Variants in ZNF704 observed in about 807,000 individuals in gnomAD.
ZNF704 encodes the protein zinc finger protein 704, also known as glucocorticoid induced gene 1.
In ZNF704, 10 loss-of-function variants were observed where a neutral mutation model predicts 44.7. That is an observed-to-expected ratio of 0.22 (90% CI 0.14 to 0.38). The LOEUF (loss-of-function observed/expected upper bound fraction) is 0.38, where lower values mean the gene tolerates loss of function less well. Among genes scored for constraint, ZNF704 ranks in the 10% least tolerant of loss-of-function variants. The pLI is 1.00. For synonymous variants in ZNF704, 211 were observed against 207.6 expected, an observed-to-expected ratio of 1.02 and a Z score of -0.14; for missense variants, 390 against 545.5, an observed-to-expected ratio of 0.71 and a Z score of 2.84.
intron 1 of ZNF704, among the ~76,000 whole-genome samples, chr8:80,853,121 G>A (rs185631909): frequency 3.9e-4 from 60 of 152,260 alleles, no homozygotes; most frequent in Non-Finnish European, 8.1e-4. Context: ...ACCCCAACAC[G>A]TTGGGAAGCT....
chr8:80,784,833 G>C (rs1255208005), intron 2 of ZNF704, among the ~76,000 whole-genome samples: 2 of 151,844 alleles, frequency 1.3e-5, no homozygotes, highest in African/African-American at 4.9e-5. Context: ...AGGTCATCTA[G>C]GCTTTCTCCA....
chr8:80,748,496 T>C (rs992019498), intron 2 of ZNF704, among the ~76,000 whole-genome samples: 1 of 152,218 alleles, frequency 6.6e-6, no homozygotes, highest in Non-Finnish European at 1.5e-5. Context: ...CTTTAAGAGT[T>C]CTTCCTCTGC....
At chr8:80,777,524 C>G (rs1331327187) in intron 2 of ZNF704, among the ~76,000 whole-genome samples, 1 of 152,126 alleles carries the variant, frequency 6.6e-6, no homozygotes, top group African/African-American at 2.4e-5. Context: ...ATTTTATTTT[C>G]TCTGTGTATC....
chr8:80,629,417 C>T lies in ZNF704; in HGVS notation c.*11949G>A. 6.6e-6 allele frequency: 1 copy of T among 152,072 alleles called. No homozygotes were observed. The highest frequency in any genetic ancestry group is 1.9e-4 in the East Asian group (1 of 5,194). The allele number at this position is 152,072 out of a possible 1,614,324, so 9.4% of individuals were successfully genotyped here. A position where few individuals can be genotyped will look rare whatever the true frequency, so the allele number is the denominator to read the frequency against. ...GGTTTAGAAATGCGTGTTTTTTTCC[C>T]CCCGTATTTTACAAACAGTTGAGAA... On this transcript the variant is annotated 3_prime_UTR_variant, in exon 9 of 9. Coordinates refer to ENST00000327835, the MANE Select transcript of ZNF704 (RefSeq NM_001033723.3).
intron 2 of ZNF704, chr8:80,749,828 T>C (rs930697474): frequency 1.9e-5 from 2 of 106,214 alleles, no homozygotes; most frequent in South Asian, 2.9e-4. Flanking sequence ...CAGCAGGACA[T>C]AGGCACCTGT....
chr8:80,790,682 A>C lies in ZNF704; in HGVS notation c.221+30692T>G, dbSNP rs1030950822. Among the ~76,000 whole-genome samples the C allele has an allele frequency of 2.0e-5, 3 of 152,154 alleles. No homozygotes were observed. The South Asian group carries it at 6.2e-4, about 32-fold the overall frequency. On this transcript the variant is annotated intron_variant, in intron 2 of 8. Transcript: ENST00000327835. Reference sequence around the variant, plus strand: ...AGACCAGCTGAAAGGTGGGTGGCAGAGGTCCCGGGGTGAGATGGTGACACA... The same window carrying C: ...AGACCAGCTGAAAGGTGGGTGGCAGCGGTCCCGGGGTGAGATGGTGACACA...
Position 80,636,728 on chromosome 8 carries a change from C to T in ZNF704, c.*4638G>A, listed in dbSNP as rs1350697233. 6.6e-6 allele frequency: 1 copy of T among 152,160 alleles called. No individual in the cohort carries two copies. Among genetic ancestry groups the T allele is most frequent in the African/African-American group, 2.4e-5 (1 of 41,440 alleles). 9.4% of individuals were successfully genotyped at this position (152,160 alleles called of 1,614,324 possible). ...TTCTCATTCATATTCATGAATCCTG[C>T]TCTGTTTCCACTCATTTGTATGCAC... On this transcript the variant is annotated 3_prime_UTR_variant, in exon 9 of 9. Transcript: ENST00000327835.
At position 80,744,457 on chromosome 8, in the gene ZNF704, C is replaced by T. The variant is rs1351340362; in HGVS notation, c.222-51350G>A. Among the ~76,000 whole-genome samples, 3 of 152,262 alleles carry T rather than the reference C, an allele frequency of 2.0e-5. No homozygotes were observed. In the East Asian group the frequency reaches 5.8e-4, roughly 29 times the overall value. ...GAAATATGTCACAAACTGCTAATCA[C>T]ATCATTAAATATAGTCTCCCTTGTT... On this transcript the variant is annotated intron_variant, in intron 2 of 8. Transcript: ENST00000327835.
Position 80,631,858 on chromosome 8 carries a change from T to C in ZNF704, c.*9508A>G, listed in dbSNP as rs1376432277. ...GCCTTACATCCCAGTTATAGTAATA[T>C]TTATCCCCTTGCACCTTAATTTAAG... On this transcript the variant is annotated 3_prime_UTR_variant, in exon 9 of 9. Coordinates refer to ENST00000327835, the MANE Select transcript of ZNF704 (RefSeq NM_001033723.3). 1 of 152,180 alleles carries C rather than the reference T, an allele frequency of 6.6e-6. No individual in the cohort carries two copies. The highest frequency in any genetic ancestry group is 1.9e-4 in the East Asian group (1 of 5,192). The allele number at this position is 152,180 out of a possible 1,614,324, so 9.4% of individuals were successfully genotyped here.
At chr8:80,653,627 T>C (rs2131599224) in intron 7 of ZNF704, among the ~76,000 whole-genome samples, 1 of 152,100 alleles carries the variant, frequency 6.6e-6, no homozygotes, top group East Asian at 1.9e-4. Context: ...GGAATCCAAC[T>C]TACAAGGGAT....
chr8:80,687,367 C>T lies in ZNF704; in HGVS notation c.417G>A (p.Gln139=). ...GYWSWSAPSD[Q]SNPSTPSPPL... ...GCGGCGACGGCGTGGACGGGTTGGACTGGTCGCTGGGGGCGCTCCAGCTCC... is the reference window on the plus strand; with the variant it reads ...GCGGCGACGGCGTGGACGGGTTGGATTGGTCGCTGGGGGCGCTCCAGCTCC... Residue 139 remains glutamine, a synonymous_variant, in exon 4 of 9, where the codon CAG becomes CAA. Transcript: ENST00000327835. 1 of 1,607,494 alleles carries T rather than the reference C, an allele frequency of 6.2e-7. No individual in the cohort carries two copies. Among genetic ancestry groups the T allele is most frequent in the South Asian group, 1.1e-5 (1 of 91,010 alleles).
chr8:80,878,516 A>T (rs1188398308), upstream of ZNF704, among the ~76,000 whole-genome samples: 1 of 152,226 alleles, frequency 6.6e-6, no homozygotes, highest in Non-Finnish European at 1.5e-5. Context: ...CCTTTTAAAA[A>T]TTATTTTAAA....
At chr8:80,779,911 A>AT (rs1235398195) in intron 2 of ZNF704, among the ~76,000 whole-genome samples, 1 of 149,966 alleles carries the variant, frequency 6.7e-6, no homozygotes, top group Non-Finnish European at 1.5e-5. Flanking sequence ...TAATAATAAT[A>AT]TTAATATTAT....
At chr8:80,841,049 C>G (rs577946502) in intron 1 of ZNF704, among the ~76,000 whole-genome samples, 2 of 152,158 alleles carry the variant, frequency 1.3e-5, no homozygotes, top group Non-Finnish European at 2.9e-5. Flanking sequence ...GAAGTCCAAC[C>G]ACATCACAAG....
At chr8:80,864,758 C>CCATG (rs1343326884) in intron 1 of ZNF704, among the ~76,000 whole-genome samples, 8 of 152,172 alleles carry the variant, frequency 5.3e-5, no homozygotes, top group Non-Finnish European at 8.8e-5. Context: ...AAGGGCAAAC[C>CCATG]CATGCCTCAG....
Position 80,639,609 on chromosome 8 carries a change from T to G in ZNF704, c.*1757A>C, listed in dbSNP as rs1290981918. The G allele has an allele frequency of 6.6e-6, 1 of 152,180 alleles. No homozygotes were observed. The highest frequency in any genetic ancestry group is 2.4e-5 in the African/African-American group (1 of 41,426). The allele number at this position is 152,180 out of a possible 1,614,324, so 9.4% of individuals were successfully genotyped here. ...ACCAGGATCTCTTCCAAGGAGTAAT[T>G]TTAAAAAATTTATATGAGAGTTTAA... On this transcript the variant is annotated 3_prime_UTR_variant, in exon 9 of 9. Transcript: ENST00000327835.
chr8:80,882,574 T>G, the ZNF704 span, among the ~76,000 whole-genome samples: 1 of 152,176 alleles, frequency 6.6e-6, no homozygotes, highest in Non-Finnish European at 1.5e-5. Context: ...TCTTGCTAAT[T>G]CTTTAGATTT....
At chr8:80,752,575 C>T (rs891072974) in intron 2 of ZNF704, among the ~76,000 whole-genome samples, 3 of 150,874 alleles carry the variant, frequency 2.0e-5, no homozygotes, top group Non-Finnish European at 4.4e-5. Context: ...GAGTTTCGTT[C>T]TTGTTGCCCA....
intron 2 of ZNF704, among the ~76,000 whole-genome samples, chr8:80,731,621 C>T (rs1029896692): frequency 3.3e-5 from 5 of 152,048 alleles, no homozygotes; most frequent in East Asian, 1.9e-4. Context: ...TCAAGTCAGC[C>T]GGGTGTGGTG....
Sources: allele counts gnomAD v4.1 joint callset (sites outside exome capture counted in the v4.1 genomes callset), GRCh38; gene constraint gnomAD v4.1.1; transcripts MANE v1.5; gene names NCBI Gene and HGNC (gene_info 2026-07-23, HGNC 2026-07-21).